TOP2A: variants seen among roughly 807,000 people sequenced by gnomAD.
TOP2A encodes the protein DNA topoisomerase II alpha.
Under a neutral mutation model 187.2 loss-of-function variants are expected in TOP2A, and 68 were observed. The observed-to-expected ratio is 0.36, with a 90% CI of 0.30 to 0.44. The LOEUF (loss-of-function observed/expected upper bound fraction) is 0.44, where lower values mean the gene tolerates loss of function less well. Among genes scored for constraint, TOP2A ranks in the 20% least tolerant of loss-of-function variants. The pLI, the probability that TOP2A is intolerant of heterozygous loss-of-function variation, is 1.00. For synonymous variants in TOP2A, 542 were observed against 593.2 expected, an observed-to-expected ratio of 0.91 and a Z score of 1.25; for missense variants, 1,196 against 1,808.7, an observed-to-expected ratio of 0.66 and a Z score of 6.14.
intron 1 of TOP2A, 157 bp downstream of exon 1, chr17:40,417,614 C>A (rs1413752979): frequency 1.3e-6 from 2 of 1,491,376 alleles, no homozygotes; most frequent in Non-Finnish European, 1.8e-6. Flanking sequence ...GGGCTTCCGC[C>A]TCTCCACGAT....
At chr17:40,412,062 T>A (rs1283727142) in intron 7 of TOP2A, among the ~76,000 whole-genome samples, 2 of 151,524 alleles carry the variant, frequency 1.3e-5, no homozygotes, top group Non-Finnish European at 1.5e-5. Flanking sequence ...CTGGGCATGG[T>A]GGTGCTGCCT....
chr17:40,398,671 A>C (rs2035133840), intron 26 of TOP2A, 30 bp from the exon 27 acceptor site: 2 of 1,605,198 alleles, frequency 1.2e-6, no homozygotes, highest in South Asian at 2.2e-5. Context: ...AATTGAGTTA[A>C]TATATGTATA....
rs771025838 is a variant in TOP2A, at chr17:40,399,124, C to T, written c.3204G>A (p.Lys1068=). The part of the protein sequence containing the change: ...KIDGKIIIEN[K]PKKELIKVLI... ...GAACTTTAATTAATTCTTTCTTAGG[C>T]TTATTTTCTATTTTTAAAAAAGTAA... The change falls in exon 25 of 35, where the codon AAG becomes AAA. Residue 1068 remains lysine, a synonymous_variant. Transcript: ENST00000423485. 7 of 1,546,010 alleles carry T rather than the reference C, an allele frequency of 4.5e-6. No homozygotes were observed. In the Admixed American group the frequency reaches 1.4e-4, roughly 30 times the overall value.
At chr17:40,409,193 T>TAAAAAAAA in intron 10 of TOP2A, 1 of 62,258 alleles carries the variant, frequency 1.6e-5, no homozygotes, top group Non-Finnish European at 2.7e-5. Context: ...AAACTCCGTC[T>TAAAAAAAA]CAAAAAAAAA....
chr17:40,392,044 C>T (rs2143621448), intron 32 of TOP2A, 24 bp downstream of exon 32: 1 of 1,608,688 alleles, frequency 6.2e-7, no homozygotes, highest in South Asian at 1.1e-5. Context: ...GCAGATGTCT[C>T]ACTACTTTTA....
chr17:40,403,278 T>C (rs1168171119), intron 19 of TOP2A, among the ~76,000 whole-genome samples: 1 of 152,232 alleles, frequency 6.6e-6, no homozygotes, highest in Non-Finnish European at 1.5e-5. Flanking sequence ...TTTGAAGGCA[T>C]AGTTCTTCTC....
In TOP2A at chr17:40,390,184, T is replaced by A. The variant is rs1295196786; in HGVS notation, c.4268-20A>T. ...ACTGACCTGCAATTCAATACAGGCA[T>A]TTGTCACAGCTGCTCTTTTTTTGAG... On this transcript the variant is annotated intron_variant, in intron 33 of 34. Coordinates refer to ENST00000423485, the MANE Select transcript of TOP2A (RefSeq NM_001067.4). 2 of 1,593,524 alleles carry A rather than the reference T, an allele frequency of 1.3e-6. No homozygotes were observed. Among genetic ancestry groups the A allele is most frequent in the Non-Finnish European group, 1.7e-6 (2 of 1,169,714 alleles).
chr17:40,392,566 G>A lies in TOP2A; in HGVS notation c.3964+19C>T. 6.2e-7 allele frequency: 1 copy of A among 1,601,674 alleles called. No individual in the cohort carries two copies. The highest frequency in any genetic ancestry group is 8.5e-7 in the Non-Finnish European group (1 of 1,175,874). ...TCCACTCTTACAGTTTATCTATAAT[G>A]TTCTTTAGTTTTCCTTACTTGCTGC... On this transcript the variant is annotated intron_variant, in intron 30 of 34. Coordinates refer to ENST00000423485, the MANE Select transcript of TOP2A (RefSeq NM_001067.4).
intron 12 of TOP2A, 110 bp from the exon 13 acceptor site, chr17:40,407,784 T>C: frequency 8.1e-7 from 1 of 1,227,242 alleles, no homozygotes; most frequent in Non-Finnish European, 1.1e-6. Flanking sequence ...TTTTGAGCTA[T>C]TAGCTTATAA....
At chr17:40,399,327 T>TCA in intron 24 of TOP2A, 196 bp from the exon 25 acceptor site, 1 of 356,162 alleles carries the variant, frequency 2.8e-6, no homozygotes. Context: ...GGCAGTCAAA[T>TCA]CATATATGAT....
intron 1 of TOP2A, 196 bp downstream of exon 1, chr17:40,417,575 G>A: frequency 1.4e-6 from 2 of 1,438,118 alleles, no homozygotes; most frequent in Non-Finnish European, 1.8e-6. Context: ...CCTGGAAGCC[G>A]GGTCATACTT....
rs765326307 is a variant in TOP2A, at chr17:40,411,848, A to C, written c.790-30T>G. 8.5e-6 allele frequency: 13 copies of C among 1,531,126 alleles called. No individual in the cohort carries two copies. The Admixed American group carries it at 2.5e-4, about 29-fold the overall frequency. 94.8% of individuals were successfully genotyped at this position (1,531,126 alleles called of 1,614,324 possible). On this transcript the variant is annotated intron_variant, in intron 7 of 34. Coordinates refer to ENST00000423485, the MANE Select transcript of TOP2A (RefSeq NM_001067.4). The surrounding 1 kb of genome is among the most constrained non-coding windows in gnomAD (Gnocchi z 4.4). The stretch of plus-strand genomic sequence containing the variant: ...ACAGGAATTAAAGGTAACAGTATTA[A>C]GAAAGTTATTAAAAAATAGGTTCAA...
intron 27 of TOP2A, among the ~76,000 whole-genome samples, chr17:40,398,235 C>G (rs1382811546): frequency 6.6e-6 from 1 of 150,698 alleles, no homozygotes; most frequent in Non-Finnish European, 1.5e-5. Flanking sequence ...GCCTCAGCCT[C>G]CTGAGTAACT....
In TOP2A at chr17:40,392,257, G is replaced by A. The variant is rs1242933083; in HGVS notation, c.4049C>T (p.Pro1350Leu). Reference protein sequence around the residue: ...DEKTDDEDFVPSDASPPKTKT... With the variant: ...DEKTDDEDFVLSDASPPKTKT... The stretch of plus-strand genomic sequence containing the variant: ...GGTCTTAGGTGGACTAGCATCTGAT[G>A]GGACAAAATCTTCATCATCAGTTTT... The change falls in exon 31 of 35, where the codon CCA becomes CTA. Residue 1350 changes from proline to leucine, a missense_variant. Physicochemically the swap from Pro to Leu is moderately conservative, Grantham distance 98. This residue lies in a region of TOP2A where 374 missense variants were observed against 403.3 expected (regional missense o/e 0.93). Transcript: ENST00000423485. 2.5e-6 allele frequency: 4 copies of A among 1,612,886 alleles called. No homozygotes were observed. The highest frequency in any genetic ancestry group is 3.4e-6 in the Non-Finnish European group (4 of 1,179,408).
chr17:40,417,538 T>A, intron 1 of TOP2A: 2 of 1,423,254 alleles, frequency 1.4e-6, no homozygotes, highest in Non-Finnish European at 1.8e-6. Flanking sequence ...CTCCTGCCCC[T>A]AGAAACAGGG....
At chr17:40,408,954 G>A in intron 10 of TOP2A, 1 of 455,732 alleles carries the variant, frequency 2.2e-6, no homozygotes, top group South Asian at 1.6e-5. Context: ...CAGCACTTTA[G>A]GAGGCCAAGG....
chr17:40,396,243 G>T, intron 28 of TOP2A, 40 bp downstream of exon 28: 1 of 1,195,480 alleles, frequency 8.4e-7, no homozygotes, highest in Non-Finnish European at 1.2e-6. Context: ...GGCCCCCAAA[G>T]TGCTGGGATT....
At chr17:40,404,088 TTGAGAA>T (rs1298828325) in intron 19 of TOP2A, 58 bp downstream of exon 19, 8 of 1,576,110 alleles carry the variant, frequency 5.1e-6, no homozygotes, top group Non-Finnish European at 6.9e-6. Flanking sequence ...CAAATCTGTT[TTGAGAA>T]TGACTCTGCA....
intron 27 of TOP2A, among the ~76,000 whole-genome samples, chr17:40,396,828 C>T (rs1364017084): frequency 6.6e-6 from 1 of 151,516 alleles, no homozygotes; most frequent in Non-Finnish European, 1.5e-5. Flanking sequence ...AGCTAGGCAT[C>T]TATACTGAAG....
Sources: allele counts gnomAD v4.1 joint callset (sites outside exome capture counted in the v4.1 genomes callset), GRCh38; gene constraint gnomAD v4.1.1; regional missense constraint gnomAD v4.1.1; non-coding constraint Gnocchi (gnomAD v3.1); transcripts MANE v1.5; gene names NCBI Gene and HGNC (gene_info 2026-07-23, HGNC 2026-07-21).